Variants in ARHGAP24 observed in about 807,000 individuals in gnomAD.
The protein encoded by ARHGAP24 is rho GTPase-activating protein 24.
A neutral mutation model predicts 76.4 loss-of-function variants in ARHGAP24; 50 were observed. That is an observed-to-expected ratio of 0.65 (90% CI 0.52 to 0.83). The LOEUF is 0.83. Among genes scored for constraint, ARHGAP24 ranks in the 40% least tolerant of loss-of-function variants. The pLI is 0.00. For synonymous variants in ARHGAP24, 345 were observed against 323.3 expected (o/e 1.07, Z -0.72); for missense variants, 930 against 914.2 (o/e 1.02, Z -0.22).
At chr4:85,802,568 G>C (rs1435837205) in intron 3 of ARHGAP24, among the ~76,000 whole-genome samples, 1 of 152,222 alleles carries the variant, frequency 6.6e-6, no homozygotes, top group Non-Finnish European at 1.5e-5. Flanking sequence ...AAGGCGGGTG[G>C]ATCACCCGAG....
intron 3 of ARHGAP24, among the ~76,000 whole-genome samples, chr4:85,732,304 G>A (rs1725438743): frequency 6.6e-6 from 1 of 152,122 alleles, no homozygotes; most frequent in Non-Finnish European, 1.5e-5. Context: ...TGAGAAAGGG[G>A]AATCATACTT....
At chr4:85,767,204 T>C (rs1210904190) in intron 3 of ARHGAP24, among the ~76,000 whole-genome samples, 1 of 152,148 alleles carries the variant, frequency 6.6e-6, no homozygotes, top group East Asian at 1.9e-4. Context: ...ATGACCATAG[T>C]TGCAAATGAT....
intron 1 of ARHGAP24, among the ~76,000 whole-genome samples, chr4:85,478,358 A>G (rs924303267): frequency 1.3e-5 from 2 of 152,212 alleles, no homozygotes; most frequent in Admixed American, 1.3e-4. Context: ...CGCAATGGTA[A>G]CCCATCTGTC....
intron 2 of ARHGAP24, among the ~76,000 whole-genome samples, chr4:85,639,105 T>C (rs1721427740): frequency 6.6e-6 from 1 of 152,148 alleles, no homozygotes; most frequent in African/African-American, 2.4e-5. Context: ...TTCTTGTTTC[T>C]TATTCCCCAA....
intron 3 of ARHGAP24, among the ~76,000 whole-genome samples, chr4:85,769,021 C>A (rs1393013038): frequency 6.6e-6 from 1 of 152,000 alleles, no homozygotes; most frequent in Non-Finnish European, 1.5e-5. Flanking sequence ...GGATGAGGAT[C>A]TTTTTATTGC....
chr4:85,868,136 A>G (rs1732312031), intron 3 of ARHGAP24, among the ~76,000 whole-genome samples: 1 of 152,084 alleles, frequency 6.6e-6, no homozygotes, highest in Non-Finnish European at 1.5e-5. Flanking sequence ...CTGGAAAGGC[A>G]GAACATCTGG....
At chr4:85,983,746 A>G (rs1030045879) in intron 8 of ARHGAP24, among the ~76,000 whole-genome samples, 2 of 151,468 alleles carry the variant, frequency 1.3e-5, no homozygotes, top group Non-Finnish European at 2.9e-5. Flanking sequence ...GTCCCTCAAA[A>G]CTCTCCCAAA....
At chr4:85,857,164 G>T (rs1731625765) in intron 3 of ARHGAP24, among the ~76,000 whole-genome samples, 1 of 152,110 alleles carries the variant, frequency 6.6e-6, no homozygotes, top group African/African-American at 2.4e-5. Flanking sequence ...TGAGGATACA[G>T]GAGTCACCAA....
chr4:85,535,219 G>T (rs1167025715), intron 1 of ARHGAP24, among the ~76,000 whole-genome samples: 1 of 151,880 alleles, frequency 6.6e-6, no homozygotes, highest in Non-Finnish European at 1.5e-5. Context: ...TTTTGTTAAA[G>T]AAAAGAAAGT....
At chr4:85,869,167 T>C (rs1045904399) in intron 3 of ARHGAP24, among the ~76,000 whole-genome samples, 5 of 152,162 alleles carry the variant, frequency 3.3e-5, no homozygotes, top group Non-Finnish European at 7.4e-5. Flanking sequence ...GCCCATAATG[T>C]TGAAAATAAT....
intron 1 of ARHGAP24, among the ~76,000 whole-genome samples, chr4:85,503,239 G>C (rs1235524151): frequency 6.6e-6 from 1 of 152,178 alleles, no homozygotes; most frequent in South Asian, 2.1e-4. Flanking sequence ...CATAAAATGA[G>C]TTAGGGAGGA....
chr4:85,852,906 T>A (rs1247481201), intron 3 of ARHGAP24, among the ~76,000 whole-genome samples: 1 of 152,198 alleles, frequency 6.6e-6, no homozygotes, highest in African/African-American at 2.4e-5. Context: ...GGGAGGTGTC[T>A]CCCTGTTAGG....
At chr4:85,962,633 T>C (rs1003309566) in intron 5 of ARHGAP24, among the ~76,000 whole-genome samples, 1 of 152,038 alleles carries the variant, frequency 6.6e-6, no homozygotes, top group African/African-American at 2.4e-5. Flanking sequence ...ACCAATCTTT[T>C]AAATCATTCT....
At chr4:85,815,380 G>A (rs960574924) in intron 3 of ARHGAP24, among the ~76,000 whole-genome samples, 1 of 152,244 alleles carries the variant, frequency 6.6e-6, no homozygotes, top group East Asian at 1.9e-4. Context: ...TTGTAAAACT[G>A]AATGCCTTTA....
intron 3 of ARHGAP24, among the ~76,000 whole-genome samples, chr4:85,838,380 G>A (rs777694393): frequency 3.3e-5 from 5 of 152,284 alleles, no homozygotes; most frequent in South Asian, 2.1e-4. Flanking sequence ...GGCAGATCAC[G>A]AGGTCAGGGG....
intron 3 of ARHGAP24, among the ~76,000 whole-genome samples, chr4:85,746,977 C>G (rs1320124024): frequency 6.6e-6 from 1 of 152,032 alleles, no homozygotes; most frequent in Non-Finnish European, 1.5e-5. Flanking sequence ...TAATGGGAAA[C>G]CATTAATACA....
chr4:85,955,215 T>G (rs1250216771), intron 5 of ARHGAP24, among the ~76,000 whole-genome samples: 1 of 151,858 alleles, frequency 6.6e-6, no homozygotes, highest in Non-Finnish European at 1.5e-5. Flanking sequence ...AATAAGCCCA[T>G]GCTCCCCCCG....
chr4:85,509,800 T>C (rs1724204777), intron 1 of ARHGAP24, among the ~76,000 whole-genome samples: 1 of 152,058 alleles, frequency 6.6e-6, no homozygotes, highest in Admixed American at 6.6e-5. Flanking sequence ...TGTTTAATTA[T>C]GTTCACATTT....
intron 3 of ARHGAP24, among the ~76,000 whole-genome samples, chr4:85,727,977 T>C (rs1327053235): frequency 6.6e-6 from 1 of 151,256 alleles, no homozygotes; most frequent in Non-Finnish European, 1.5e-5. Flanking sequence ...AAGGATAATC[T>C]AAAGTGATTT....
Sources: gnomAD v4.1 joint callset for allele counts (sites outside exome capture counted in the v4.1 genomes callset) on GRCh38, gnomAD v4.1.1 for gene constraint, MANE v1.5 for transcripts, NCBI Gene and HGNC (gene_info 2026-07-23, HGNC 2026-07-21) for gene names.